KIF26B: variants seen among roughly 807,000 people sequenced by gnomAD.
KIF26B encodes the protein kinesin-like protein KIF26B.
Under a neutral mutation model 151.2 loss-of-function variants are expected in KIF26B, and 63 were observed. The observed-to-expected ratio is 0.42, with a 90% confidence interval of 0.34 to 0.51. The LOEUF is 0.51. KIF26B is among the 20% of genes least tolerant of loss of function. KIF26B has a pLI of 0.07. For missense variants in KIF26B, 2,813 were observed against 2,913.6 expected (o/e 0.97, Z 0.79); for synonymous variants, 1,357 against 1,262.1 (o/e 1.08, Z -1.59).
At chr1:245,389,364 C>T (rs1572037543) in intron 3 of KIF26B, among the ~76,000 whole-genome samples, 1 of 151,802 alleles carries the variant, frequency 6.6e-6, no homozygotes, top group Non-Finnish European at 1.5e-5. Flanking sequence ...CCGCCCACCT[C>T]GGCCTCCCAA....
At chr1:245,681,713 T>C (rs1268725354) in intron 10 of KIF26B, among the ~76,000 whole-genome samples, 1 of 152,206 alleles carries the variant, frequency 6.6e-6, no homozygotes, top group Non-Finnish European at 1.5e-5. Flanking sequence ...ATAGATAGCA[T>C]TGGTGTGAGG....
intron 2 of KIF26B, among the ~76,000 whole-genome samples, chr1:245,259,777 C>CA (rs776932182): frequency 1.3e-5 from 2 of 151,234 alleles, no homozygotes; most frequent in African/African-American, 2.4e-5. Context: ...GGAAAAAATA[C>CA]AAAAAAAATT....
chr1:245,174,297 G>A (rs943981920), intron 2 of KIF26B, among the ~76,000 whole-genome samples: 3 of 152,080 alleles, frequency 2.0e-5, no homozygotes, highest in African/African-American at 4.8e-5. Context: ...ACTGTACTGG[G>A]TCATTGCCAC....
At chr1:245,321,670 C>T (rs938414724) in intron 2 of KIF26B, among the ~76,000 whole-genome samples, 2 of 152,172 alleles carry the variant, frequency 1.3e-5, no homozygotes, top group Non-Finnish European at 2.9e-5. Flanking sequence ...AAGTAAAGAC[C>T]ATTAGGAGAA....
chr1:245,194,135 T>C (rs1484951645), intron 2 of KIF26B, among the ~76,000 whole-genome samples: 1 of 152,246 alleles, frequency 6.6e-6, no homozygotes, highest in East Asian at 1.9e-4. Flanking sequence ...TGGTAGTTTC[T>C]TCCATATAAG....
chr1:245,252,570 T>C (rs1026737192), intron 2 of KIF26B, among the ~76,000 whole-genome samples: 1 of 152,178 alleles, frequency 6.6e-6, no homozygotes, highest in Non-Finnish European at 1.5e-5. Flanking sequence ...TTTTATTAAG[T>C]CTAATACCTT....
intron 5 of KIF26B, among the ~76,000 whole-genome samples, chr1:245,595,917 C>G (rs1403547900): frequency 6.6e-6 from 1 of 152,094 alleles, no homozygotes; most frequent in Non-Finnish European, 1.5e-5. Flanking sequence ...AGGAATTTAT[C>G]CATTTCTTCT....
At chr1:245,291,736 A>T (rs954900607) in intron 2 of KIF26B, among the ~76,000 whole-genome samples, 1 of 152,204 alleles carries the variant, frequency 6.6e-6, no homozygotes, top group Non-Finnish European at 1.5e-5. Context: ...CTTGTTGAGG[A>T]CCTGGCATTT....
Position 245,688,759 on chromosome 1 carries a change from G to A in KIF26B, c.5776G>A (p.Gly1926Ser), listed in dbSNP as rs773235024. The change falls in exon 12 of 15, where the codon GGC (glycine) becomes AGC (serine). Residue 1926 changes from glycine (G) to serine (S), a missense_variant. Physicochemically the swap from Gly to Ser is moderately conservative, Grantham distance 56. Coordinates refer to ENST00000407071, the MANE Select transcript of KIF26B (RefSeq NM_018012.4). ...DSTSENSSSV[G>S]GRCRSLKTPK... Reference sequence around the variant, plus strand: ...CACGAGCGAGAACAGCAGCTCCGTGGGCGGCAGGTGCCGGAGCCTCAAGAC... The same window carrying A: ...CACGAGCGAGAACAGCAGCTCCGTGAGCGGCAGGTGCCGGAGCCTCAAGAC... The A allele has an allele frequency of 1.1e-5, 18 of 1,600,176 alleles. No homozygotes were observed. Among genetic ancestry groups the A allele is most frequent in the South Asian group, 2.2e-5 (2 of 90,222 alleles).
At chr1:245,524,638 T>C (rs989198886) in intron 4 of KIF26B, among the ~76,000 whole-genome samples, 8 of 152,238 alleles carry the variant, frequency 5.3e-5, no homozygotes, top group African/African-American at 1.7e-4. Flanking sequence ...AACTGTTTTT[T>C]GTAAATGCTT....
intron 2 of KIF26B, among the ~76,000 whole-genome samples, chr1:245,325,519 C>G (rs1671972492): frequency 6.6e-6 from 1 of 152,162 alleles, no homozygotes; most frequent in African/African-American, 2.4e-5. Context: ...TCGAGACCAG[C>G]CTGACCAACA....
intron 2 of KIF26B, among the ~76,000 whole-genome samples, chr1:245,176,360 T>G (rs1026424614): frequency 1.3e-5 from 2 of 152,188 alleles, no homozygotes; most frequent in African/African-American, 4.8e-5. Context: ...GTCAGATCTA[T>G]GAAGGTCATA....
chr1:245,173,610 G>A (rs575505503), intron 2 of KIF26B, among the ~76,000 whole-genome samples: 1 of 152,258 alleles, frequency 6.6e-6, no homozygotes, highest in African/African-American at 2.4e-5. Context: ...GACGCGGGCC[G>A]GGGAGGCTGT....
chr1:245,220,655 A>G (rs1413833116), intron 2 of KIF26B, among the ~76,000 whole-genome samples: 1 of 152,212 alleles, frequency 6.6e-6, no homozygotes, highest in African/African-American at 2.4e-5. Flanking sequence ...AAGGCATTAA[A>G]TACTGTCTCT....
At chr1:245,699,589 C>G (rs1031950401) in intron 14 of KIF26B, among the ~76,000 whole-genome samples, 1 of 142,978 alleles carries the variant, frequency 7.0e-6, no homozygotes, top group African/African-American at 2.6e-5. Context: ...GACAATTTTG[C>G]TCTCTTTGAA....
intron 2 of KIF26B, among the ~76,000 whole-genome samples, chr1:245,296,899 C>G (rs1003633558): frequency 6.6e-6 from 1 of 152,112 alleles, no homozygotes; most frequent in African/African-American, 2.4e-5. Context: ...ATTTATGTCC[C>G]GACTTTTTAG....
chr1:245,692,015 T>TA (rs1257874695), intron 12 of KIF26B, among the ~76,000 whole-genome samples: 1 of 152,202 alleles, frequency 6.6e-6, no homozygotes, highest in Non-Finnish European at 1.5e-5. Flanking sequence ...CATATGCAAG[T>TA]AAAACGAGAA....
At chr1:245,586,266 T>C (rs1049761711) in intron 5 of KIF26B, among the ~76,000 whole-genome samples, 1 of 151,854 alleles carries the variant, frequency 6.6e-6, no homozygotes, top group East Asian at 1.9e-4. Flanking sequence ...GCAATTATCC[T>C]ACCCTGGCCT....
intron 4 of KIF26B, among the ~76,000 whole-genome samples, chr1:245,467,682 G>A (rs1397604319): frequency 6.6e-6 from 1 of 152,154 alleles, no homozygotes; most frequent in African/African-American, 2.4e-5. Flanking sequence ...ATCACTTGAG[G>A]TCAGGAGTTT....
Sources: gnomAD v4.1 joint callset for allele counts (sites outside exome capture counted in the v4.1 genomes callset) on GRCh38, gnomAD v4.1.1 for gene constraint, MANE v1.5 for transcripts, NCBI Gene and HGNC (gene_info 2026-07-23, HGNC 2026-07-21) for gene names.